The following L1CAM variants were observed in gnomAD, a reference collection of about 807,000 sequenced individuals.
The protein encoded by L1CAM is L1 cell adhesion molecule.
L1CAM carries 8 observed loss-of-function variants against 93.0 expected under a neutral mutation model. That is an observed-to-expected ratio of 0.09 (90% CI 0.05 to 0.16). The LOEUF (loss-of-function observed/expected upper bound fraction) is 0.16, where lower values mean the gene tolerates loss of function less well. Ranked by LOEUF, L1CAM falls within the 10% of genes least tolerant of loss-of-function variation. L1CAM has a pLI of 1.00. For missense variants in L1CAM, 777 were observed against 1,073.4 expected (o/e 0.72, Z 3.86); for synonymous variants, 453 against 453.0 (o/e 1.00, Z 0.00).
chrX:153,872,476 C>G, intron 4 of L1CAM, 116 bp downstream of exon 4: 1 of 939,980 alleles, frequency 1.1e-6, no homozygotes, highest in Non-Finnish European at 1.5e-6. Flanking sequence ...ATGGCGAGGA[C>G]TTGGGGTGAT....
rs1386982536 is a variant in L1CAM, at chrX:153,867,083, C to T, written c.2179G>A (p.Glu727Lys). 2.5e-6 allele frequency: 3 copies of T among 1,208,913 alleles called. No individual in the cohort carries two copies. Among genetic ancestry groups the T allele is most frequent in the Non-Finnish European group, 3.4e-6 (3 of 894,440 alleles). Reference protein sequence around the residue: ...NPVDVKGEGNETTNMVITWKP... With the variant: ...NPVDVKGEGNKTTNMVITWKP... ...CACGTGATGACCATATTGGTGGTCT[C>T]ATTTCCTTCCCCCTTCACATCCACA... Residue 727 changes from glutamate (E) to lysine (K), a missense_variant, in exon 18 of 29, where the codon GAG (glutamate) becomes AAG (lysine). Glu to Lys is a moderately conservative substitution (Grantham distance 56). This residue lies in a region of L1CAM where 574 missense variants were observed against 781.0 expected (regional missense o/e 0.73). Transcript: ENST00000370060.
At chrX:153,872,545 G>A (rs201193840) in intron 4 of L1CAM, 47 bp downstream of exon 4, 34 of 1,062,915 alleles carry the variant, frequency 3.2e-5, no homozygotes, top group African/African-American at 2.6e-4. Context: ...GCACAAGGCC[G>A]GGGTCAGTGG....
At chrX:153,863,226 G>A (rs1393334514) in intron 28 of L1CAM, 142 bp downstream of exon 28, 1 of 645,929 alleles carries the variant, frequency 1.5e-6, no homozygotes, top group Non-Finnish European at 2.5e-6. Flanking sequence ...GCCTCTCCCT[G>A]AAATGAGGAG....
intron 8 of L1CAM, 40 bp downstream of exon 8, chrX:153,870,348 C>A (rs1557092690): frequency 1.7e-6 from 2 of 1,148,109 alleles, no homozygotes; most frequent in South Asian, 1.8e-5. Flanking sequence ...GGCTCCGCCA[C>A]CCTGCCCTGC....
Position 153,870,174 on chromosome X carries a change from C to T in L1CAM, c.873G>A (p.Gln291=). 8.2e-7 allele frequency: 1 copy of T among 1,212,134 alleles called. No homozygotes were observed. The highest frequency in any genetic ancestry group is 1.1e-6 in the Non-Finnish European group (1 of 895,479). Residue 291 remains glutamine, a synonymous_variant, in exon 9 of 29, where the codon CAG becomes CAA. Coordinates refer to ENST00000370060, the MANE Select transcript of L1CAM (RefSeq NM_001278116.2). ...GPMPADRVTY[Q]NHNKTLQLLK... ...GCAGCTGCAGGGTCTTGTTGTGGTT[C>T]TGGTAGGTGACACGGTCGGCTGGCA...
chrX:153,885,718 A>C (rs62619258), intron 1 of L1CAM: 241 of 397,773 alleles, frequency 6.1e-4, no homozygotes, highest in Non-Finnish European at 7.6e-4. Flanking sequence ...TTTCTCAGAC[A>C]CGCACACACG....
chrX:153,869,086 G>A lies in L1CAM; in HGVS notation c.1268-134C>T, dbSNP rs1383548840. The A allele has an allele frequency of 1.7e-5, 9 of 531,058 alleles. No individual in the cohort carries two copies. The East Asian group carries it at 3.3e-4, about 19-fold the overall frequency. 43.8% of individuals were successfully genotyped at this position (531,058 alleles called of 1,213,427 possible). A position where few individuals can be genotyped will look rare whatever the true frequency, so the allele number is the denominator to read the frequency against. On this transcript the variant is annotated intron_variant, in intron 11 of 28. Transcript: ENST00000370060. Reference sequence around the variant, plus strand: ...TCTTGCTTCCCTGCTCCCAGCTGAGGCCCCCGCCAGGCTGTGTCTCTCTCT... The same window carrying A: ...TCTTGCTTCCCTGCTCCCAGCTGAGACCCCCGCCAGGCTGTGTCTCTCTCT...
chrX:153,862,744 G>C lies in L1CAM; in HGVS notation c.3693C>G (p.Gly1231=). ...EDGSFIGQYS[G]KKEKEAAGGN... ...CCCCTGCCGCCTCCTTCTCCTTCTT[G>C]CCACTGTACTGGCCAATGAACGAAC... The change falls in exon 29 of 29, where the codon GGC becomes GGG. Residue 1231 remains glycine, a synonymous_variant. Transcript: ENST00000370060. The C allele has an allele frequency of 8.3e-7, 1 of 1,212,104 alleles. No individual in the cohort carries two copies. The highest frequency in any genetic ancestry group is 1.1e-6 in the Non-Finnish European group (1 of 895,399).
Position 153,869,502 on chromosome X carries a change from G to A in L1CAM, c.1267+18C>T. ...GGACAGACTGGGAGTTAGGAGGTAA[G>A]GAAGGGAGGGCACTCACGGACAACG... On this transcript the variant is annotated intron_variant, in intron 11 of 28. Coordinates refer to ENST00000370060, the MANE Select transcript of L1CAM (RefSeq NM_001278116.2). The A allele has an allele frequency of 8.3e-7, 1 of 1,210,309 alleles. No homozygotes were observed. The highest frequency in any genetic ancestry group is 1.1e-6 in the Non-Finnish European group (1 of 894,722).
chrX:153,862,946 G>A (rs1569544525), intron 28 of L1CAM, 52 bp from the exon 29 acceptor site: 2 of 1,028,307 alleles, frequency 1.9e-6, no homozygotes, highest in East Asian at 6.4e-5. Flanking sequence ...GCCCCTGCAG[G>A]AGCCTGGCTG....
intron 1 of L1CAM, among the ~76,000 whole-genome samples, chrX:153,879,583 G>A (rs2064833447): frequency 8.9e-6 from 1 of 112,331 alleles, no homozygotes; most frequent in Non-Finnish European, 1.9e-5. Context: ...GCAGGGTAGA[G>A]AGACAGACAG....
chrX:153,867,112 T>C lies in L1CAM; in HGVS notation c.2150A>G (p.Asn717Ser). 2 of 1,208,543 alleles carry C rather than the reference T, an allele frequency of 1.7e-6. No individual in the cohort carries two copies. The highest frequency in any genetic ancestry group is 1.7e-5 in the African/African-American group (1 of 57,687). Residue 717 changes from asparagine (N) to serine (S), a missense_variant, in exon 18 of 29, where the codon AAC becomes AGC. Coordinates refer to ENST00000370060, the MANE Select transcript of L1CAM (RefSeq NM_001278116.2). The part of the protein sequence containing the change: ...VVTPEAAPEK[N>S]PVDVKGEGNE... Reference sequence around the variant, plus strand: ...TCCTTCCCCCTTCACATCCACAGGGTTCTTCTCTGGGGCTGGAAAGGAAAG... The same window carrying C: ...TCCTTCCCCCTTCACATCCACAGGGCTCTTCTCTGGGGCTGGAAAGGAAAG...
intron 1 of L1CAM, chrX:153,885,837 C>T: frequency 1.2e-6 from 1 of 837,525 alleles, no homozygotes; most frequent in Admixed American, 5.4e-5. Context: ...CAGGTTACCC[C>T]TCACCTGTCG....
intron 18 of L1CAM, 60 bp from the exon 19 acceptor site, chrX:153,866,931 G>GC (rs2064719546): frequency 8.8e-6 from 10 of 1,135,400 alleles, no homozygotes; most frequent in Middle Eastern, 3.2e-4. Flanking sequence ...TCTTTGGCCC[G>GC]CCCCCCAGCA....
chrX:153,864,853 A>G lies in L1CAM; in HGVS notation c.3014T>C (p.Ile1005Thr), dbSNP rs398123365. 1.7e-6 allele frequency: 2 copies of G among 1,212,102 alleles called. No individual in the cohort carries two copies. Among genetic ancestry groups the G allele is most frequent in the South Asian group, 3.5e-5 (2 of 57,035 alleles). The change falls in exon 23 of 29, where the codon ATC becomes ACC. Residue 1005 changes from isoleucine (I) to threonine (T), a missense_variant. By Grantham distance (89) the Ile-to-Thr change is moderately conservative. Coordinates refer to ENST00000370060, the MANE Select transcript of L1CAM (RefSeq NM_001278116.2). Reference sequence around the variant, plus strand: ...GGCCATAGTGCCTCCTTCCCGTACGATGGCTTCACCAGGGCCCTCTTTGGT... The same window carrying G: ...GGCCATAGTGCCTCCTTCCCGTACGGTGGCTTCACCAGGGCCCTCTTTGGT... ...ATTKEGPGEA[I>T]VREGGTMALS...
At chrX:153,873,585 C>A (rs2064791328) in intron 2 of L1CAM, among the ~76,000 whole-genome samples, 1 of 112,442 alleles carries the variant, frequency 8.9e-6, no homozygotes, top group African/African-American at 3.2e-5. Context: ...GTCCTTGCAG[C>A]CCCCTGGCAG....
In L1CAM at chrX:153,870,162, C is replaced by G. The variant is rs148990685; in HGVS notation, c.885G>C (p.Lys295Asn). The stretch of plus-strand genomic sequence containing the variant: ...CGCCCACTTTCAGCAGCTGCAGGGT[C>G]TTGTTGTGGTTCTGGTAGGTGACAC... ...ADRVTYQNHN[K>N]TLQLLKVGEE... is the part of the protein sequence containing the mutation. The change falls in exon 9 of 29, where the codon AAG becomes AAC. Residue 295 changes from lysine (K) to asparagine (N), a missense_variant. Lys to Asn is a moderately conservative substitution (Grantham distance 94). Around this residue, in one of 5 missense-constraint regions of L1CAM, gnomAD observed 574 missense variants for 781.0 expected, o/e 0.73. Transcript: ENST00000370060. 1.7e-6 allele frequency: 2 copies of G among 1,211,985 alleles called. No individual in the cohort carries two copies. Among genetic ancestry groups the G allele is most frequent in the Non-Finnish European group, 2.2e-6 (2 of 895,412 alleles).
At position 153,875,427 on chromosome X, in the gene L1CAM, G is replaced by C. The variant is rs782566057; in HGVS notation, c.76+334C>G. Among the ~76,000 whole-genome samples, 6 of 111,162 alleles carry C rather than the reference G, an allele frequency of 5.4e-5. 1 individual carries two copies. In the South Asian group the frequency reaches 2.2e-3, roughly 41 times the overall value. ...GTGGGGGATGGAAGCGGAGGAGTCG[G>C]AGTGGGGCGGGCAGAGATGGGGCGG... On this transcript the variant is annotated intron_variant, in intron 2 of 28. Transcript: ENST00000370060.
In L1CAM at chrX:153,864,006, G is replaced by A. The variant is rs1557089861; in HGVS notation, c.3334C>T (p.Leu1112Phe). 8.3e-7 allele frequency: 1 copy of A among 1,211,947 alleles called. No homozygotes were observed. The change falls in exon 26 of 29, where the codon CTC becomes TTC. Residue 1112 changes from leucine (L) to phenylalanine (F), a missense_variant. Leu to Phe is a conservative substitution (Grantham distance 22, BLOSUM62 0). This residue lies in a region of L1CAM where 110 missense variants were observed against 141.7 expected (regional missense o/e 0.78). Coordinates refer to ENST00000370060, the MANE Select transcript of L1CAM (RefSeq NM_001278116.2). The part of the protein sequence containing the change: ...VKTNGTGRVR[L>F]PPAGFATEGW... ...TCAGTGGCGAAGCCAGCAGGAGGGA[G>A]CCTCACGCGGCCTGAGGGTGAGACA...
Sources: allele counts gnomAD v4.1 joint callset (sites outside exome capture counted in the v4.1 genomes callset), GRCh38; gene constraint gnomAD v4.1.1; regional missense constraint gnomAD v4.1.1; transcripts MANE v1.5; gene names NCBI Gene and HGNC (gene_info 2026-07-23, HGNC 2026-07-21).